The following CEP128 variants were observed in gnomAD, a reference collection of about 807,000 sequenced individuals.
The protein encoded by CEP128 is centrosomal protein 128.
In CEP128, 132 loss-of-function variants were observed where a neutral mutation model predicts 156.7. That is an observed-to-expected ratio of 0.84 (90% confidence interval 0.73 to 0.97). The LOEUF (loss-of-function observed/expected upper bound fraction) is 0.97. CEP128 is among the 50% of genes least tolerant of loss of function. CEP128 has a pLI of 0.00. For synonymous variants in CEP128, 469 were observed against 448.9 expected (o/e 1.04, Z -0.57); for missense variants, 1,252 against 1,281.9 (o/e 0.98, Z 0.36).
At chr14:80,856,621 T>C (rs170595) in intron 9 of CEP128, among the ~76,000 whole-genome samples, 90,073 of 151,124 alleles carry the variant, frequency 0.6, 27,146 homozygotes, top group East Asian at 0.79. Context: ...CCAGCGTGGG[T>C]GAGTGTGACC....
chr14:80,833,378 T>TAC (rs1885910769), intron 12 of CEP128, among the ~76,000 whole-genome samples: 1 of 151,706 alleles, frequency 6.6e-6, no homozygotes, highest in Non-Finnish European at 1.5e-5. Flanking sequence ...CATATATATA[T>TAC]ACTAGTAAAG....
At chr14:80,605,009 C>T (rs1228684519) in intron 19 of CEP128, among the ~76,000 whole-genome samples, 1 of 152,020 alleles carries the variant, frequency 6.6e-6, no homozygotes, top group East Asian at 1.9e-4. Flanking sequence ...TCAAAGTATG[C>T]AATATGGTGA....
intron 19 of CEP128, among the ~76,000 whole-genome samples, chr14:80,689,509 T>A (rs1157107938): frequency 6.6e-6 from 1 of 152,172 alleles, no homozygotes; most frequent in East Asian, 1.9e-4. Context: ...CCAGAACTAC[T>A]AGCATTAATA....
chr14:80,562,544 C>T (rs772719476), intron 20 of CEP128, among the ~76,000 whole-genome samples: 2 of 151,766 alleles, frequency 1.3e-5, no homozygotes, highest in Non-Finnish European at 2.9e-5. Context: ...TTATGGTTGA[C>T]ACTGTTTTTG....
chr14:80,538,161 A>T (rs950598737), intron 21 of CEP128, among the ~76,000 whole-genome samples: 1 of 149,608 alleles, frequency 6.7e-6, no homozygotes, highest in East Asian at 2.0e-4. Context: ...TTTTTTTTTT[A>T]AAGCTGAATC....
intron 21 of CEP128, among the ~76,000 whole-genome samples, chr14:80,549,090 T>C (rs1047248462): frequency 6.6e-6 from 1 of 152,160 alleles, no homozygotes; most frequent in Non-Finnish European, 1.5e-5. Flanking sequence ...CATAGCTTAA[T>C]ACTAACATAG....
intron 20 of CEP128, among the ~76,000 whole-genome samples, chr14:80,569,481 G>A (rs1672880785): frequency 6.6e-6 from 1 of 152,154 alleles, no homozygotes; most frequent in Non-Finnish European, 1.5e-5. Flanking sequence ...GGTAATGACA[G>A]CTACTCACAA....
chr14:80,512,090 T>A (rs1261880665), intron 23 of CEP128, among the ~76,000 whole-genome samples: 1 of 152,084 alleles, frequency 6.6e-6, no homozygotes, highest in Non-Finnish European at 1.5e-5. Context: ...TAGGTTCATC[T>A]GGTCTATACT....
chr14:80,673,692 TCA>T (rs1895948269), intron 19 of CEP128, among the ~76,000 whole-genome samples: 1 of 137,354 alleles, frequency 7.3e-6, no homozygotes, highest in South Asian at 2.3e-4. Flanking sequence ...CAAAGGGATC[TCA>T]CATTCGGAAA....
rs371660076 is a variant in CEP128, at chr14:80,631,987, A to T, written c.2807-51564T>A. ...AAGAATCTGAACTAAGGTTGACCTG[A>T]CTCTAAAGTCCATATTACTAGCTGA... On this transcript the variant is annotated intron_variant, in intron 19 of 24. Coordinates refer to ENST00000555265, the MANE Select transcript of CEP128 (RefSeq NM_152446.5). Among the ~76,000 whole-genome samples the T allele has an allele frequency of 1.4e-4, 22 of 152,100 alleles. No individual in the cohort carries two copies. The South Asian group carries it at 4.6e-3, about 32-fold the overall frequency.
chr14:80,675,892 T>A (rs1896041152), intron 19 of CEP128, among the ~76,000 whole-genome samples: 1 of 152,136 alleles, frequency 6.6e-6, no homozygotes, highest in Non-Finnish European at 1.5e-5. Context: ...TCTATTCCTG[T>A]GTTGCCAGGA....
intron 19 of CEP128, among the ~76,000 whole-genome samples, chr14:80,620,024 G>A (rs542499199): frequency 3.3e-5 from 5 of 151,768 alleles, no homozygotes; most frequent in Admixed American, 3.3e-4. Context: ...ATTCGGGAGG[G>A]TGAGGAAGAA....
intron 20 of CEP128, among the ~76,000 whole-genome samples, chr14:80,578,154 C>T (rs1220237584): frequency 6.6e-6 from 1 of 152,086 alleles, no homozygotes; most frequent in Non-Finnish European, 1.5e-5. Flanking sequence ...TTATTATAAA[C>T]ACTGATTTTT....
chr14:80,610,806 TTAAA>T (rs1892965151), intron 19 of CEP128, among the ~76,000 whole-genome samples: 1 of 152,124 alleles, frequency 6.6e-6, no homozygotes, highest in African/African-American at 2.4e-5. Context: ...GGGAAACTTG[TTAAA>T]TAAATTATAT....
intron 13 of CEP128, chr14:80,822,593 A>G: frequency 1.4e-6 from 1 of 710,034 alleles, no homozygotes. Context: ...ATCACACAGA[A>G]GATCCATGAG....
At chr14:80,824,864 A>G (rs1378042230) in intron 13 of CEP128, among the ~76,000 whole-genome samples, 1 of 151,336 alleles carries the variant, frequency 6.6e-6, no homozygotes, top group African/African-American at 2.4e-5. Flanking sequence ...GCAGCTCTCC[A>G]CTCCTGGTAC....
At chr14:80,607,308 C>T (rs1487665434) in intron 19 of CEP128, among the ~76,000 whole-genome samples, 1 of 151,036 alleles carries the variant, frequency 6.6e-6, no homozygotes, top group African/African-American at 2.4e-5. Context: ...TAGTGGGTAA[C>T]CAAAATACAC....
chr14:80,799,413 G>A (rs1221344562), intron 13 of CEP128, among the ~76,000 whole-genome samples: 1 of 152,258 alleles, frequency 6.6e-6, no homozygotes, highest in Non-Finnish European at 1.5e-5. Context: ...TGTAAAATAT[G>A]TGTGTTTGAA....
rs1884548458 is a variant in CEP128, at chr14:80,916,263, A to G, written c.147+138T>C. On this transcript the variant is annotated intron_variant, in intron 3 of 24. Transcript: ENST00000555265. ...GACTTCTGATGTACAAGACCTTAAG[A>G]TAATAAATTTGTGTTGTTTTAAGAC... 1.6e-5 allele frequency: 11 copies of G among 700,246 alleles called. No individual in the cohort carries two copies. The South Asian group carries it at 1.8e-4, about 12-fold the overall frequency. The allele number at this position is 700,246 out of a possible 1,614,324, so 43.4% of individuals were successfully genotyped here. A position where few individuals can be genotyped will look rare whatever the true frequency, so the allele number is the denominator to read the frequency against.
Sources: allele counts gnomAD v4.1 joint callset (sites outside exome capture counted in the v4.1 genomes callset), GRCh38; gene constraint gnomAD v4.1.1; transcripts MANE v1.5; gene names NCBI Gene and HGNC (gene_info 2026-07-23, HGNC 2026-07-21).